Variants in LRRTM4 observed in about 807,000 individuals in gnomAD.
LRRTM4 encodes leucine rich repeat transmembrane neuronal 4.
LRRTM4 carries 25 observed loss-of-function variants against 47.6 expected under a neutral mutation model. The observed-to-expected ratio is 0.53, with a 90% CI of 0.38 to 0.73. The LOEUF (loss-of-function observed/expected upper bound fraction) is 0.73, where lower values mean the gene tolerates loss of function less well. Among genes scored for constraint, LRRTM4 ranks in the 30% least tolerant of loss-of-function variants. The pLI is 0.00. For synonymous variants in LRRTM4, 311 were observed against 269.5 expected, an observed-to-expected ratio of 1.15 and a Z score of -1.51; for missense variants, 638 against 713.4, an observed-to-expected ratio of 0.89 and a Z score of 1.20.
intron 3 of LRRTM4, among the ~76,000 whole-genome samples, chr2:76,903,319 G>A (rs550933542): frequency 3.9e-5 from 6 of 152,064 alleles, no homozygotes; most frequent in African/African-American, 1.2e-4. Flanking sequence ...GGTGTATCAC[G>A]AGGTCAGGAG....
intron 3 of LRRTM4, among the ~76,000 whole-genome samples, chr2:77,298,412 A>G (rs1340710842): frequency 1.3e-5 from 2 of 151,978 alleles, no homozygotes; most frequent in African/African-American, 2.4e-5. Flanking sequence ...AATTTTTTGT[A>G]TTTTTAGTGG....
chr2:77,455,143 G>C (rs1676474634), intron 3 of LRRTM4, among the ~76,000 whole-genome samples: 1 of 152,150 alleles, frequency 6.6e-6, no homozygotes, highest in South Asian at 2.1e-4. Context: ...AGCTGAGATA[G>C]CACCACTGCA....
intron 3 of LRRTM4, among the ~76,000 whole-genome samples, chr2:76,796,121 C>T (rs187456936): frequency 0.013 from 1,717 of 137,246 alleles, 139 homozygotes; most frequent in African/African-American, 0.028. Flanking sequence ...CTTAAAAAAA[C>T]GGCACACCAC....
At chr2:76,882,728 G>A (rs1381000964) in intron 3 of LRRTM4, among the ~76,000 whole-genome samples, 1 of 151,890 alleles carries the variant, frequency 6.6e-6, no homozygotes, top group East Asian at 1.9e-4. Context: ...AAAATGGAGG[G>A]TTCTAAATGA....
At chr2:77,482,422 T>C (rs1047972504) in intron 3 of LRRTM4, among the ~76,000 whole-genome samples, 3 of 131,974 alleles carry the variant, frequency 2.3e-5, no homozygotes, top group Non-Finnish European at 3.2e-5. Flanking sequence ...CACAAAAACA[T>C]CCATAGAAAT....
intron 3 of LRRTM4, among the ~76,000 whole-genome samples, chr2:77,428,878 T>G (rs543333416): frequency 2.6e-5 from 4 of 152,244 alleles, no homozygotes; most frequent in Admixed American, 1.3e-4. Context: ...AAGACTCTGG[T>G]GTACTTTTAA....
chr2:77,245,464 G>A (rs1304355163), intron 3 of LRRTM4, among the ~76,000 whole-genome samples: 1 of 145,178 alleles, frequency 6.9e-6, no homozygotes, highest in East Asian at 2.0e-4. Context: ...GCTGCAGTAA[G>A]CAGTGATAAC....
At chr2:77,106,562 G>A (rs1671097411) in intron 3 of LRRTM4, among the ~76,000 whole-genome samples, 1 of 151,852 alleles carries the variant, frequency 6.6e-6, no homozygotes, top group South Asian at 2.1e-4. Context: ...TTAATGAAGA[G>A]AAAAATATTT....
chr2:77,124,165 C>G (rs1671596087), intron 3 of LRRTM4, among the ~76,000 whole-genome samples: 1 of 151,994 alleles, frequency 6.6e-6, no homozygotes, highest in Non-Finnish European at 1.5e-5. Flanking sequence ...GAGGAATGGA[C>G]AAGCTCAATT....
chr2:77,242,231 A>G (rs965203403), intron 3 of LRRTM4, among the ~76,000 whole-genome samples: 1 of 152,166 alleles, frequency 6.6e-6, no homozygotes, highest in African/African-American at 2.4e-5. Context: ...TCTTTGGTTA[A>G]TGTTGACATC....
intron 3 of LRRTM4, among the ~76,000 whole-genome samples, chr2:77,362,157 G>GAAAC: frequency 1.3e-5 from 2 of 151,494 alleles, no homozygotes; most frequent in African/African-American, 4.9e-5. Context: ...AAGAAAGAAA[G>GAAAC]AAAGAAAGAA....
intron 3 of LRRTM4, among the ~76,000 whole-genome samples, chr2:76,959,194 G>A (rs370034644): frequency 6.6e-6 from 1 of 151,708 alleles, no homozygotes; most frequent in Non-Finnish European, 1.5e-5. Flanking sequence ...TATTAAAATA[G>A]TCTTTAAGAT....
intron 3 of LRRTM4, among the ~76,000 whole-genome samples, chr2:76,780,179 C>T (rs571446003): frequency 6.6e-6 from 1 of 152,194 alleles, no homozygotes; most frequent in South Asian, 2.1e-4. Flanking sequence ...ACCTTTCTCT[C>T]TGGCTGCCCT....
At chr2:77,438,552 G>A in intron 3 of LRRTM4, among the ~76,000 whole-genome samples, 1 of 151,520 alleles carries the variant, frequency 6.6e-6, no homozygotes, top group South Asian at 2.1e-4. Flanking sequence ...GACTACAGGC[G>A]CCTGCCACCA....
At chr2:77,154,060 T>C (rs913235691) in intron 3 of LRRTM4, among the ~76,000 whole-genome samples, 4 of 152,250 alleles carry the variant, frequency 2.6e-5, no homozygotes, top group African/African-American at 4.8e-5. Context: ...GTCTAATCAA[T>C]GTCCATCAAT....
At chr2:77,369,767 C>T (rs921878984) in intron 3 of LRRTM4, among the ~76,000 whole-genome samples, 3 of 151,720 alleles carry the variant, frequency 2.0e-5, no homozygotes, top group Admixed American at 1.3e-4. Context: ...CCTATTACTC[C>T]TAGGCTAGAA....
chr2:77,233,325 CTG>C (rs1440914588), intron 3 of LRRTM4, among the ~76,000 whole-genome samples: 5 of 152,158 alleles, frequency 3.3e-5, no homozygotes, highest in Admixed American at 6.5e-5. Context: ...CTTCTTGAAA[CTG>C]TGAAGAACTG....
intron 3 of LRRTM4, among the ~76,000 whole-genome samples, chr2:76,815,610 A>G (rs182419766): frequency 1.3e-5 from 2 of 152,282 alleles, no homozygotes; most frequent in Admixed American, 1.3e-4. Context: ...AGCTTTTATT[A>G]TTAGCTGATT....
At chr2:77,416,260 A>G (rs1346112567) in intron 3 of LRRTM4, among the ~76,000 whole-genome samples, 1 of 152,080 alleles carries the variant, frequency 6.6e-6, no homozygotes, top group Non-Finnish European at 1.5e-5. Flanking sequence ...TAACTAATAA[A>G]CATTCACCTC....
Sources: allele counts gnomAD v4.1 joint callset (sites outside exome capture counted in the v4.1 genomes callset), GRCh38; gene constraint gnomAD v4.1.1; transcripts MANE v1.5; gene names NCBI Gene and HGNC (gene_info 2026-07-23, HGNC 2026-07-21).